Variants in ZHX3 observed in about 807,000 individuals in gnomAD.
ZHX3 encodes zinc fingers and homeoboxes protein 3.
In ZHX3, 20 loss-of-function variants were observed where a neutral mutation model predicts 64.5. The observed-to-expected ratio is 0.31, with a 90% CI of 0.22 to 0.45. The LOEUF (loss-of-function observed/expected upper bound fraction) is 0.45, where lower values mean the gene tolerates loss of function less well. ZHX3 is among the 20% of genes least tolerant of loss of function. The probability of loss-of-function intolerance (pLI) is 1.00; values close to 1 mark genes in which losing one functional copy is unlikely to be tolerated. For synonymous variants in ZHX3, 423 were observed against 461.6 expected, an observed-to-expected ratio of 0.92 and a Z score of 1.07; for missense variants, 1,041 against 1,195.8, an observed-to-expected ratio of 0.87 and a Z score of 1.91.
intron 2 of ZHX3, among the ~76,000 whole-genome samples, chr20:41,222,851 A>G (rs996474614): frequency 6.6e-6 from 1 of 151,754 alleles, no homozygotes; most frequent in Non-Finnish European, 1.5e-5. Context: ...GATAGTTTAC[A>G]GGCTGAATAG....
Position 41,203,131 on chromosome 20 carries a change from T to C in ZHX3, c.1786A>G (p.Thr596Ala). Reference protein sequence around the residue: ...TCIPTTATLATHPSAKRQSWH... With the variant: ...TCIPTTATLAAHPSAKRQSWH... ...GATTGTCGTTTGGCAGAAGGGTGGG[T>C]TGCTAGTGTGGCTGTTGTCGGAATG... The change falls in exon 3 of 4, where the codon ACC becomes GCC. Residue 596 changes from threonine (T) to alanine (A), a missense_variant. This residue lies in a region of ZHX3 where 649 missense variants were observed against 739.8 expected (regional missense o/e 0.88). Coordinates refer to ENST00000683867, the MANE Select transcript of ZHX3 (RefSeq NM_001384317.1). The surrounding 1 kb of genome is among the most constrained non-coding windows in gnomAD (Gnocchi z 7.1). 2.5e-6 allele frequency: 4 copies of C among 1,613,988 alleles called. No individual in the cohort carries two copies. The highest frequency in any genetic ancestry group is 3.4e-6 in the Non-Finnish European group (4 of 1,179,988).
chr20:41,302,048 C>T (rs1213775094), intron 1 of ZHX3, among the ~76,000 whole-genome samples: 3 of 88,260 alleles, frequency 3.4e-5, no homozygotes, highest in African/African-American at 5.2e-5. Context: ...AGCGAGACTC[C>T]ATCTCAAAAA....
intron 1 of ZHX3, among the ~76,000 whole-genome samples, chr20:41,302,763 G>A (rs1006407006): frequency 3.3e-5 from 5 of 152,236 alleles, no homozygotes; most frequent in Non-Finnish European, 7.3e-5. Flanking sequence ...GGAAACCATG[G>A]TTTGAAGATG....
At chr20:41,221,303 A>C (rs992059631) in intron 2 of ZHX3, among the ~76,000 whole-genome samples, 2 of 152,216 alleles carry the variant, frequency 1.3e-5, no homozygotes, top group Non-Finnish European at 2.9e-5. Context: ...CATTATTTAT[A>C]ATGTGAGATT....
At chr20:41,296,582 T>A (rs1224075809) in intron 1 of ZHX3, among the ~76,000 whole-genome samples, 1 of 152,066 alleles carries the variant, frequency 6.6e-6, no homozygotes, top group Non-Finnish European at 1.5e-5. Flanking sequence ...CACGTGCACA[T>A]GAGCTCTGCC....
intron 1 of ZHX3, among the ~76,000 whole-genome samples, chr20:41,280,352 G>A (rs923890073): frequency 5.3e-5 from 8 of 152,140 alleles, no homozygotes; most frequent in African/African-American, 1.9e-4. Context: ...ATTTATAGAG[G>A]GAAGAGGGAT....
chr20:41,265,481 C>A (rs949055240), intron 2 of ZHX3, among the ~76,000 whole-genome samples: 7 of 152,132 alleles, frequency 4.6e-5, no homozygotes, highest in African/African-American at 1.4e-4. Context: ...GGATGACAGG[C>A]GTGAGCCACC....
intron 1 of ZHX3, among the ~76,000 whole-genome samples, chr20:41,283,639 C>T (rs553379238): frequency 3.7e-4 from 56 of 152,242 alleles, no homozygotes; most frequent in Middle Eastern, 3.4e-3. Context: ...GCGCCTGTAT[C>T]CCAGCTACTC....
chr20:41,235,587 A>C (rs1600451699), intron 2 of ZHX3, among the ~76,000 whole-genome samples: 2 of 152,170 alleles, frequency 1.3e-5, no homozygotes, highest in South Asian at 2.1e-4. Flanking sequence ...AATGCTAAAA[A>C]CTCTCAATAA....
intron 1 of ZHX3, among the ~76,000 whole-genome samples, chr20:41,304,391 T>C (rs2044913303): frequency 6.6e-6 from 1 of 152,186 alleles, no homozygotes; most frequent in African/African-American, 2.4e-5. Context: ...TACACGTGCC[T>C]GCCAGTATTT....
At chr20:41,251,593 A>G (rs865978247) in intron 2 of ZHX3, among the ~76,000 whole-genome samples, 67 of 152,314 alleles carry the variant, frequency 4.4e-4, no homozygotes, top group African/African-American at 1.5e-3. Flanking sequence ...TAAATGATCT[A>G]AATACACCAA....
chr20:41,223,844 T>G (rs1393895609), intron 2 of ZHX3, among the ~76,000 whole-genome samples: 2 of 152,090 alleles, frequency 1.3e-5, no homozygotes, highest in Admixed American at 1.3e-4. Context: ...GGCGTCAGAG[T>G]AGAGGTCCTT....
chr20:41,195,921 G>A lies in ZHX3; in HGVS notation c.2860+6136C>T, dbSNP rs375190385. 1.3e-4 allele frequency among the ~76,000 whole-genome samples: 19 copies of A among 151,966 alleles called. No individual in the cohort carries two copies. The highest frequency in any genetic ancestry group is 4.6e-4 in the African/African-American group (19 of 41,404). On this transcript the variant is annotated intron_variant, in intron 3 of 3. Transcript: ENST00000683867. This position sits in a 1 kb window ranked among gnomAD's most constrained non-coding sequence, Gnocchi z 4.2. ...GTATTTCCACTTTTTTATTTTCAATGTCTAGTTTCATTCCACTGTAACTGG... is the reference window on the plus strand; with the variant it reads ...GTATTTCCACTTTTTTATTTTCAATATCTAGTTTCATTCCACTGTAACTGG...
chr20:41,277,610 G>A (rs1235775249), intron 1 of ZHX3, among the ~76,000 whole-genome samples: 2 of 132,968 alleles, frequency 1.5e-5, no homozygotes, highest in Non-Finnish European at 3.2e-5. Context: ...CTTTTTTTTT[G>A]AGACAGAGTC....
At position 41,204,971 on chromosome 20, in the gene ZHX3, C is replaced by A; in HGVS notation, c.-55G>T. 1.3e-6 allele frequency: 2 copies of A among 1,481,628 alleles called. No individual in the cohort carries two copies. The highest frequency in any genetic ancestry group is 3.0e-5 in the South Asian group (2 of 67,036). The allele number at this position is 1,481,628 out of a possible 1,614,324, so 91.8% of individuals were successfully genotyped here. ...AGAGCTTGTCCCATAAGGGGCCTAACAATACAAGTTCCAGCTTCTCGATGA... is the reference window on the plus strand; with the variant it reads ...AGAGCTTGTCCCATAAGGGGCCTAAAAATACAAGTTCCAGCTTCTCGATGA... On this transcript the variant is annotated 5_prime_UTR_variant, in exon 3 of 4. Coordinates refer to ENST00000683867, the MANE Select transcript of ZHX3 (RefSeq NM_001384317.1). The surrounding 1 kb of genome is among the most constrained non-coding windows in gnomAD (Gnocchi z 6.6).
intron 1 of ZHX3, among the ~76,000 whole-genome samples, chr20:41,284,407 CCTCCTAGGTT>C (rs2043836074): frequency 6.6e-6 from 1 of 152,106 alleles, no homozygotes; most frequent in South Asian, 2.1e-4. Context: ...TGGCCCACTA[CCTCCTAGGTT>C]CAACATGTCC....
rs76525874 is a variant in ZHX3 at position 41,290,825 on chromosome 20, A to C, written c.-244-21742T>G. 1.6e-3 allele frequency among the ~76,000 whole-genome samples: 247 copies of C among 152,314 alleles called. 5 individuals are homozygous for C. In the East Asian group the frequency reaches 0.041, roughly 25 times the overall value. Reference sequence around the variant, plus strand: ...CTTCAAGGTCTAAATGATCATGTGGAAAAGTGGCTACAGGGACTCAGTTAA... The same window carrying C: ...CTTCAAGGTCTAAATGATCATGTGGCAAAGTGGCTACAGGGACTCAGTTAA... On this transcript the variant is annotated intron_variant, in intron 1 of 3. Coordinates refer to ENST00000683867, the MANE Select transcript of ZHX3 (RefSeq NM_001384317.1).
chr20:41,259,961 T>C (rs1040721927), intron 2 of ZHX3, among the ~76,000 whole-genome samples: 3 of 152,278 alleles, frequency 2.0e-5, no homozygotes, highest in Middle Eastern at 3.4e-3. Context: ...AATTTAATGA[T>C]AAAAGAATAA....
At chr20:41,211,837 C>G (rs1367031232) in intron 2 of ZHX3, among the ~76,000 whole-genome samples, 1 of 152,166 alleles carries the variant, frequency 6.6e-6, no homozygotes, top group Non-Finnish European at 1.5e-5. Flanking sequence ...AATGGGCTTA[C>G]CATCTCAAAG....
Sources: allele counts gnomAD v4.1 joint callset (sites outside exome capture counted in the v4.1 genomes callset), GRCh38; gene constraint gnomAD v4.1.1; regional missense constraint gnomAD v4.1.1; non-coding constraint Gnocchi (gnomAD v3.1); transcripts MANE v1.5; gene names NCBI Gene and HGNC (gene_info 2026-07-23, HGNC 2026-07-21).